Variants in GRM8 observed in about 807,000 individuals in gnomAD.
The protein encoded by GRM8 is metabotropic glutamate receptor 8.
In GRM8, 47 loss-of-function variants were observed where a neutral mutation model predicts 87.2. That is an observed-to-expected ratio of 0.54 (90% confidence interval 0.43 to 0.69). The LOEUF is 0.69. Ranked by LOEUF, GRM8 falls within the 30% of genes least tolerant of loss-of-function variation. The pLI is 0.00. For missense variants in GRM8, 1,019 were observed against 1,139.2 expected, an observed-to-expected ratio of 0.89 and a Z score of 1.52; for synonymous variants, 396 against 404.5, an observed-to-expected ratio of 0.98 and a Z score of 0.25.
At chr7:127,094,003 T>C (rs954143477) in intron 3 of GRM8, among the ~76,000 whole-genome samples, 7 of 152,254 alleles carry the variant, frequency 4.6e-5, no homozygotes, top group Admixed American at 3.9e-4. Context: ...TCAAGGAAAC[T>C]ATATTTGTTG....
chr7:126,858,104 G>C (rs1408080460), intron 6 of GRM8, among the ~76,000 whole-genome samples: 2 of 152,102 alleles, frequency 1.3e-5, no homozygotes, highest in Non-Finnish European at 2.9e-5. Context: ...TTCAAGCCAA[G>C]AACTTGGTAA....
chr7:126,949,895 G>C (rs909082886), intron 3 of GRM8, among the ~76,000 whole-genome samples: 7 of 152,156 alleles, frequency 4.6e-5, no homozygotes, highest in African/African-American at 1.7e-4. Flanking sequence ...CCATAGTCAT[G>C]ATGAAAATGC....
chr7:126,610,645 C>T (rs1455571147), intron 7 of GRM8, among the ~76,000 whole-genome samples: 1 of 152,094 alleles, frequency 6.6e-6, no homozygotes, highest in Non-Finnish European at 1.5e-5. Context: ...TAATTACCAG[C>T]CATCACAAAA....
intron 3 of GRM8, among the ~76,000 whole-genome samples, chr7:126,983,523 A>G (rs975843876): frequency 6.7e-6 from 1 of 148,690 alleles, no homozygotes; most frequent in Admixed American, 6.7e-5. Flanking sequence ...ACCCACTAGC[A>G]AAATTTTTGC....
intron 3 of GRM8, among the ~76,000 whole-genome samples, chr7:126,928,078 T>A (rs1805330573): frequency 6.6e-6 from 1 of 152,008 alleles, no homozygotes; most frequent in African/African-American, 2.4e-5. Flanking sequence ...GGGACATGGA[T>A]GACGCTGGAA....
chr7:126,597,024 T>C (rs1259707164), intron 8 of GRM8, among the ~76,000 whole-genome samples: 1 of 152,152 alleles, frequency 6.6e-6, no homozygotes, highest in Non-Finnish European at 1.5e-5. Flanking sequence ...TATTTCATCA[T>C]TTAAATATAC....
At chr7:126,470,455 C>G (rs143775983) in intron 9 of GRM8, among the ~76,000 whole-genome samples, 1 of 150,446 alleles carries the variant, frequency 6.6e-6, no homozygotes, top group Non-Finnish European at 1.5e-5. Context: ...GTTTTTTGTC[C>G]TTGCGACAGT....
chr7:127,199,541 G>A (rs1795477537), intron 2 of GRM8, among the ~76,000 whole-genome samples: 1 of 152,166 alleles, frequency 6.6e-6, no homozygotes. Flanking sequence ...GGTTCCACTG[G>A]CTTGGATGCT....
At chr7:127,093,110 T>C (rs538197750) in intron 3 of GRM8, among the ~76,000 whole-genome samples, 1 of 152,310 alleles carries the variant, frequency 6.6e-6, no homozygotes, top group Non-Finnish European at 1.5e-5. Context: ...TTATGATAGA[T>C]GTAGGCCATC....
chr7:126,805,490 T>C (rs1030432791), intron 6 of GRM8, among the ~76,000 whole-genome samples: 18 of 152,142 alleles, frequency 1.2e-4, no homozygotes, highest in African/African-American at 4.1e-4. Context: ...TCTTTGTTAT[T>C]CCCCCAGTAT....
chr7:127,031,981 A>T (rs1817421186), intron 3 of GRM8, among the ~76,000 whole-genome samples: 1 of 152,066 alleles, frequency 6.6e-6, no homozygotes, highest in Non-Finnish European at 1.5e-5. Flanking sequence ...GTTCATATTC[A>T]TATGTCTTGT....
chr7:126,717,775 G>A (rs1357487738), intron 7 of GRM8, among the ~76,000 whole-genome samples: 1 of 151,970 alleles, frequency 6.6e-6, no homozygotes, highest in Non-Finnish European at 1.5e-5. Context: ...CAATTATTTT[G>A]GTTAATATCG....
chr7:126,649,981 C>T (rs1324226378), intron 7 of GRM8, among the ~76,000 whole-genome samples: 2 of 152,200 alleles, frequency 1.3e-5, no homozygotes, highest in African/African-American at 4.8e-5. Context: ...GATTTTGGAA[C>T]AAGGCTCTGC....
intron 9 of GRM8, among the ~76,000 whole-genome samples, chr7:126,519,813 T>G (rs1812709959): frequency 6.6e-6 from 1 of 152,104 alleles, no homozygotes; most frequent in Admixed American, 6.6e-5. Flanking sequence ...AATAAGCATC[T>G]TAAAATTAAA....
At chr7:127,026,841 A>G (rs541317898) in intron 3 of GRM8, among the ~76,000 whole-genome samples, 2 of 152,188 alleles carry the variant, frequency 1.3e-5, no homozygotes, top group East Asian at 3.9e-4. Context: ...CTCTTTAATT[A>G]GATCCCATTT....
intron 2 of GRM8, among the ~76,000 whole-genome samples, chr7:127,193,707 C>T (rs529667030): frequency 4.0e-4 from 61 of 152,244 alleles, no homozygotes; most frequent in Non-Finnish European, 7.8e-4. Context: ...GTTACAGAGT[C>T]TTGCAAGTGA....
chr7:126,653,528 A>T (rs1804170676), intron 7 of GRM8, among the ~76,000 whole-genome samples: 1 of 152,192 alleles, frequency 6.6e-6, no homozygotes, highest in Non-Finnish European at 1.5e-5. Context: ...AATTACATTG[A>T]TTGTATAGAC....
intron 2 of GRM8, among the ~76,000 whole-genome samples, chr7:127,122,258 C>A (rs902468590): frequency 3.3e-5 from 5 of 152,154 alleles, no homozygotes; most frequent in African/African-American, 1.2e-4. Flanking sequence ...AGTAAAACTG[C>A]TTCTCAAAAG....
rs1476241218 is a variant in GRM8 at position 126,770,006 on chromosome 7, T to C, written c.1216A>G (p.Ile406Val). The C allele has an allele frequency of 6.2e-7, 1 of 1,612,816 alleles. No individual in the cohort carries two copies. Among genetic ancestry groups the C allele is most frequent in the Non-Finnish European group, 8.5e-7 (1 of 1,179,142 alleles). ...YEQEGKVQFV[I>V]DAVYSMAYAL... is the part of the protein sequence containing the mutation. The stretch of plus-strand genomic sequence containing the variant: ...TAAGCCATGGAATATACAGCATCAA[T>C]TACAAATTGGACCTTTCCTTCCTGT... The change falls in exon 7 of 11, where the codon ATT becomes GTT. Residue 406 changes from isoleucine (I) to valine (V), a missense_variant. By Grantham distance (29) the Ile-to-Val change is conservative. Coordinates refer to ENST00000339582, the MANE Select transcript of GRM8 (RefSeq NM_000845.3).
Sources: gnomAD v4.1 joint callset for allele counts (sites outside exome capture counted in the v4.1 genomes callset) on GRCh38, gnomAD v4.1.1 for gene constraint, MANE v1.5 for transcripts, NCBI Gene and HGNC (gene_info 2026-07-23, HGNC 2026-07-21) for gene names.